Variants in LMTK3 observed in about 807,000 individuals in gnomAD.
LMTK3 encodes the protein lemur tail kinase 3, also known as serine/threonine-protein kinase LMTK3.
In LMTK3, 27 loss-of-function variants were observed where a neutral mutation model predicts 116.7. The observed-to-expected ratio is 0.23, with a 90% CI of 0.17 to 0.32. The LOEUF is 0.32. Ranked by LOEUF, LMTK3 falls within the 10% of genes least tolerant of loss-of-function variation. The pLI is 1.00. For synonymous variants in LMTK3, 965 were observed against 971.0 expected (o/e 0.99, Z 0.11); for missense variants, 1,764 against 2,068.5 (o/e 0.85, Z 2.86).
rs1193426051 is a variant in LMTK3 at position 48,494,853 on chromosome 19, A to G, written c.3677-744T>C. Among the ~76,000 whole-genome samples, 2 of 152,264 alleles carry G rather than the reference A, an allele frequency of 1.3e-5. No homozygotes were observed. Among genetic ancestry groups the G allele is most frequent in the East Asian group, 3.9e-4 (2 of 5,192 alleles). On this transcript the variant is annotated intron_variant, in intron 11 of 14. Coordinates refer to ENST00000600059, the MANE Select transcript of LMTK3 (RefSeq NM_001388485.1). This position sits in a 1 kb window ranked among gnomAD's most constrained non-coding sequence, Gnocchi z 4.0. ...TGCTATTCTCTAAACATGGTGAGCC[A>G]GTGCACATCTCAGTGCCCTCTCTAG...
At chr19:48,493,573 T>A in intron 12 of LMTK3, 121 bp downstream of exon 12, 1 of 827,922 alleles carries the variant, frequency 1.2e-6, no homozygotes, top group Non-Finnish European at 1.5e-6. Context: ...CCACTCCAGC[T>A]CCGCCTCCCT....
chr19:48,511,323 C>T (rs910336030), intron 1 of LMTK3, among the ~76,000 whole-genome samples, 178 bp downstream of exon 1: 1 of 152,174 alleles, frequency 6.6e-6, no homozygotes, highest in African/African-American at 2.4e-5. Context: ...AGCCCCCAGC[C>T]TCCCTCCCAC....
At chr19:48,488,258 G>A (rs1972159280) in intron 14 of LMTK3, among the ~76,000 whole-genome samples, 1 of 152,096 alleles carries the variant, frequency 6.6e-6, no homozygotes, top group African/African-American at 2.4e-5. Context: ...GACATTCAGA[G>A]TGAAGCCTGA....
At position 48,511,493 on chromosome 19, in the gene LMTK3, A is replaced by C; in HGVS notation, c.76+8T>G. ...CCACCGGACAGACTGATGGCCCGAC[A>C]GACTCACCGGGGTGGGCCGGGGACG... On this transcript the variant is annotated splice_region_variant and intron_variant, in intron 1 of 14. Coordinates refer to ENST00000600059, the MANE Select transcript of LMTK3 (RefSeq NM_001388485.1). The C allele has an allele frequency of 1.5e-6, 2 of 1,352,122 alleles. No individual in the cohort carries two copies. The highest frequency in any genetic ancestry group is 5.9e-5 in the Admixed American group (2 of 33,902). The allele number at this position is 1,352,122 out of a possible 1,614,324, so 83.8% of individuals were successfully genotyped here.
chr19:48,499,455 G>A lies in LMTK3; in HGVS notation c.1614C>T (p.Tyr538=). 1 of 1,475,206 alleles carries A rather than the reference G, an allele frequency of 6.8e-7. No individual in the cohort carries two copies. The highest frequency in any genetic ancestry group is 9.0e-7 in the Non-Finnish European group (1 of 1,113,720). The allele number at this position is 1,475,206 out of a possible 1,614,324, so 91.4% of individuals were successfully genotyped here. A position where few individuals can be genotyped will look rare whatever the true frequency, so the allele number is the denominator to read the frequency against. Reference sequence around the variant, plus strand: ...AGCCGTGCTCCTCCAAGCGGATGTAGTACTCGCTGCTCACGGAGGGGCTGC... The same window carrying A: ...AGCCGTGCTCCTCCAAGCGGATGTAATACTCGCTGCTCACGGAGGGGCTGC... The part of the protein sequence containing the change: ...SARSPSVSSE[Y]YIRLEEHGSP... The change falls in exon 11 of 15, where the codon TAC becomes TAT. Residue 538 remains tyrosine, a synonymous_variant. Transcript: ENST00000600059.
At chr19:48,507,880 A>G (rs1224703976) in intron 5 of LMTK3, among the ~76,000 whole-genome samples, 2 of 152,192 alleles carry the variant, frequency 1.3e-5, no homozygotes, top group African/African-American at 2.4e-5. Context: ...AACCTGGGGT[A>G]TGGGTTATGA....
At chr19:48,489,043 A>G (rs1347101183) in intron 14 of LMTK3, among the ~76,000 whole-genome samples, 2 of 152,132 alleles carry the variant, frequency 1.3e-5, no homozygotes, top group Non-Finnish European at 2.9e-5. Flanking sequence ...CTGGCCTTAA[A>G]TGACACTTCT....
At chr19:48,489,670 T>C (rs940669471) in intron 14 of LMTK3, among the ~76,000 whole-genome samples, 1 of 152,216 alleles carries the variant, frequency 6.6e-6, no homozygotes, top group African/African-American at 2.4e-5. Context: ...AGCCATTTAA[T>C]TCCCTCAGCA....
intron 12 of LMTK3, among the ~76,000 whole-genome samples, chr19:48,492,616 T>A (rs965415443): frequency 2.6e-5 from 4 of 152,080 alleles, no homozygotes; most frequent in Admixed American, 6.5e-5. Context: ...ACCTGCAGCC[T>A]AGCCATGGCC....
In LMTK3 at chr19:48,498,574, G is replaced by C; in HGVS notation, c.2495C>G (p.Ala832Gly). The C allele has an allele frequency of 1.3e-6, 2 of 1,555,138 alleles. No homozygotes were observed. Among genetic ancestry groups the C allele is most frequent in the Non-Finnish European group, 1.7e-6 (2 of 1,149,666 alleles). ...RAPPEPPDPGAPRPPPDPGPL... is the reference protein window; with the variant it reads ...RAPPEPPDPGGPRPPPDPGPL... ...ACCCGGGTCTGGAGGTGGCCGGGGC[G>C]CTCCTGGGTCGGGTGGCTCGGGGGG... Residue 832 changes from alanine to glycine, a missense_variant, in exon 11 of 15, where the codon GCG becomes GGG. Coordinates refer to ENST00000600059, the MANE Select transcript of LMTK3 (RefSeq NM_001388485.1).
At position 48,510,019 on chromosome 19, in the gene LMTK3, G is replaced by A; in HGVS notation, c.361+4C>T. The stretch of plus-strand genomic sequence containing the variant: ...GGGATGCTGGTCATGGCGTGGGGCA[G>A]TACCTGAGTGTGAAGGCTGCGGGGC... On this transcript the variant is annotated splice_donor_region_variant and intron_variant, in intron 3 of 14. Coordinates refer to ENST00000600059, the MANE Select transcript of LMTK3 (RefSeq NM_001388485.1). The A allele has an allele frequency of 6.2e-7, 1 of 1,613,846 alleles. No homozygotes were observed. Among genetic ancestry groups the A allele is most frequent in the Non-Finnish European group, 8.5e-7 (1 of 1,179,824 alleles).
chr19:48,496,285 TTTTTCTTTTTC>T (rs990648349), intron 11 of LMTK3, among the ~76,000 whole-genome samples: 5 of 150,912 alleles, frequency 3.3e-5, no homozygotes, highest in African/African-American at 1.2e-4. Flanking sequence ...ATTTTTTCTT[TTTTTCTTTTTC>T]TTTTCTTTTT....
At position 48,499,685 on chromosome 19, in the gene LMTK3, G is replaced by A. The variant is rs1972425014; in HGVS notation, c.1384C>T (p.Pro462Ser). Residue 462 changes from proline (P) to serine (S), a missense_variant, in exon 11 of 15, where the codon CCC (proline) becomes TCC (serine). Transcript: ENST00000600059. ...TCGGTGACCGTGAGCACATCGTCGGGGTCGGCTCCAGGGAAGCCATCCAGT... is the reference window on the plus strand; with the variant it reads ...TCGGTGACCGTGAGCACATCGTCGGAGTCGGCTCCAGGGAAGCCATCCAGT... Reference protein sequence around the residue: ...PLLDGFPGADPDDVLTVTESS... With the variant: ...PLLDGFPGADSDDVLTVTESS... 1 of 1,530,116 alleles carries A rather than the reference G, an allele frequency of 6.5e-7. No homozygotes were observed. Among genetic ancestry groups the A allele is most frequent in the Admixed American group, 2.2e-5 (1 of 46,452 alleles). The allele number at this position is 1,530,116 out of a possible 1,614,324, so 94.8% of individuals were successfully genotyped here.
At chr19:48,492,257 T>C (rs568604514) in intron 12 of LMTK3, among the ~76,000 whole-genome samples, 2 of 152,328 alleles carry the variant, frequency 1.3e-5, no homozygotes, top group African/African-American at 2.4e-5. Flanking sequence ...GTTGTGATCA[T>C]GGCTCAATGC....
intron 4 of LMTK3, 79 bp downstream of exon 4, chr19:48,509,358 G>T: frequency 7.6e-7 from 1 of 1,321,998 alleles, no homozygotes; most frequent in Non-Finnish European, 1.1e-6. Context: ...GAGAAGTGGT[G>T]AGAGCAGGGG....
At chr19:48,510,684 A>ACTC in intron 1 of LMTK3, 92 bp from the exon 2 acceptor site, 1 of 1,361,908 alleles carries the variant, frequency 7.3e-7, no homozygotes, top group Non-Finnish European at 9.7e-7. Flanking sequence ...TTGGACTACA[A>ACTC]CTCCCGTGAT....
chr19:48,497,906 C>T lies in LMTK3; in HGVS notation c.3163G>A (p.Ala1055Thr), dbSNP rs1322872272. 1.3e-6 allele frequency: 2 copies of T among 1,502,486 alleles called. No homozygotes were observed. The highest frequency in any genetic ancestry group is 1.8e-6 in the Non-Finnish European group (2 of 1,130,556). 93.1% of individuals were successfully genotyped at this position (1,502,486 alleles called of 1,614,324 possible). The change falls in exon 11 of 15, where the codon GCC becomes ACC. Residue 1055 changes from alanine (A) to threonine (T), a missense_variant. Physicochemically the swap from Ala to Thr is moderately conservative, Grantham distance 58. Coordinates refer to ENST00000600059, the MANE Select transcript of LMTK3 (RefSeq NM_001388485.1). The surrounding 1 kb of genome is among the most constrained non-coding windows in gnomAD (Gnocchi z 5.7). ...GAGACCACTGCGCTGGGTGCAGGGG[C>T]TCTCTCCAGAGAGGTCTCTGGGGCT... The part of the protein sequence containing the change: ...EPAPETSLER[A>T]PAPSAVVSSR...
chr19:48,513,420 TG>T (rs1173040437), upstream of LMTK3: 5 of 562,880 alleles, frequency 8.9e-6, no homozygotes, highest in Non-Finnish European at 6.4e-6. This position sits in a 1 kb window ranked among gnomAD's most constrained non-coding sequence, Gnocchi z 5.6. Flanking sequence ...GTGGCAAAGC[TG>T]GGACTGGAAC....
chr19:48,486,153 G>A (rs1423609701), intron 14 of LMTK3, among the ~76,000 whole-genome samples: 4 of 142,128 alleles, frequency 2.8e-5, no homozygotes, highest in East Asian at 2.3e-4. Flanking sequence ...TCCGCCTCCC[G>A]GGTTCACGCC....
Sources: allele counts gnomAD v4.1 joint callset (sites outside exome capture counted in the v4.1 genomes callset), GRCh38; gene constraint gnomAD v4.1.1; non-coding constraint Gnocchi (gnomAD v3.1); transcripts MANE v1.5; gene names NCBI Gene and HGNC (gene_info 2026-07-23, HGNC 2026-07-21).